The following GNB1L variants were observed in gnomAD, a reference collection of about 807,000 sequenced individuals.
GNB1L encodes the protein guanine nucleotide-binding protein subunit beta-like protein 1.
A neutral mutation model predicts 29.1 loss-of-function variants in GNB1L; 20 were observed. The observed-to-expected ratio is 0.69, with a 90% CI of 0.48 to 1.00. The LOEUF is 1.00. Ranked by LOEUF, GNB1L falls within the 50% of genes least tolerant of loss-of-function variation. The pLI, the probability that GNB1L is intolerant of heterozygous loss-of-function variation, is 0.00. For missense variants in GNB1L, 421 were observed against 464.9 expected (o/e 0.91, Z 0.87); for synonymous variants, 193 against 206.5 (o/e 0.93, Z 0.56).
chr22:19,813,000 A>G (rs2145876157), intron 4 of GNB1L, among the ~76,000 whole-genome samples: 1 of 152,358 alleles, frequency 6.6e-6, no homozygotes, highest in Middle Eastern at 3.4e-3. Flanking sequence ...CACCTGGTAG[A>G]ACAGATGAGG....
chr22:19,842,008 G>A (rs1222791175), intron 2 of GNB1L, among the ~76,000 whole-genome samples: 1 of 152,222 alleles, frequency 6.6e-6, no homozygotes, highest in East Asian at 1.9e-4. Flanking sequence ...CACACAGGTG[G>A]CTGGTGAATG....
intron 2 of GNB1L, among the ~76,000 whole-genome samples, chr22:19,835,676 TA>T (rs879909076): frequency 4.2e-4 from 60 of 143,316 alleles, no homozygotes; most frequent in African/African-American, 6.4e-4. Flanking sequence ...TCTGTCTCGA[TA>T]AAAAAAAAAA....
At position 19,788,927 on chromosome 22, in the gene GNB1L, T is replaced by A. The variant is rs140704978; in HGVS notation, c.766A>T (p.Ile256Phe). 6.2e-7 allele frequency: 1 copy of A among 1,610,862 alleles called. No homozygotes were observed. The highest frequency in any genetic ancestry group is 1.3e-5 in the African/African-American group (1 of 75,008). ...TCTGGCCGGATCGTGACCTCGGCGA[T>A]CCCGGGATTGGTGAGTTCATGAGTC... ...RGTHELTNPG[I>F]AEVTIRPDRK... The change falls in exon 8 of 8, where the codon ATC becomes TTC. Residue 256 changes from isoleucine to phenylalanine, a missense_variant. Physicochemically the swap from Ile to Phe is conservative, Grantham distance 21. Coordinates refer to ENST00000329517, the MANE Select transcript of GNB1L (RefSeq NM_053004.3).
At chr22:19,850,188 G>T (rs1938061131) in intron 2 of GNB1L, 3 of 985,584 alleles carry the variant, frequency 3.0e-6, no homozygotes, top group Admixed American at 6.1e-5. Flanking sequence ...GCTCCTGACA[G>T]AATGGGAAAC....
intron 2 of GNB1L, chr22:19,847,209 C>G: frequency 1.0e-6 from 1 of 985,488 alleles, no homozygotes; most frequent in Non-Finnish European, 1.2e-6. Flanking sequence ...ACAGGTCTGA[C>G]AGGCCCCAGC....
chr22:19,846,750 G>T, intron 2 of GNB1L: 1 of 360,928 alleles, frequency 2.8e-6, no homozygotes, highest in Non-Finnish European at 3.9e-6. Flanking sequence ...CACAGACAGG[G>T]ACACGGCAAG....
chr22:19,802,144 C>T lies in GNB1L; in HGVS notation c.589G>A (p.Glu197Lys). The T allele has an allele frequency of 3.1e-6, 5 of 1,613,292 alleles. No individual in the cohort carries two copies. The highest frequency in any genetic ancestry group is 4.2e-6 in the Non-Finnish European group (5 of 1,180,034). ...DGSVVLWDVS[E>K]QKVCSRIACH... is the part of the protein sequence containing the mutation. ...GCGATGCGGCTGCACACCTTCTGCT[C>T]AGAGACGTCCCACAGGACCACCGAT... is the stretch of plus-strand genomic sequence containing the variant. Residue 197 changes from glutamate (E) to lysine (K), a missense_variant, in exon 7 of 8, where the codon GAG (glutamate) becomes AAG (lysine). By Grantham distance (56) the Glu-to-Lys change is moderately conservative. Transcript: ENST00000329517.
rs532014981 is a variant in GNB1L, at chr22:19,820,912, C to A, written c.129-189G>T. On this transcript the variant is annotated intron_variant, in intron 3 of 7. Transcript: ENST00000329517. ...CTTGCTCCTCTTCCAGAGAGGGGAC[C>A]GGGGGACCCTCAGGAGCCTCTAGGG... is the stretch of plus-strand genomic sequence containing the variant. 2.6e-5 allele frequency among the ~76,000 whole-genome samples: 4 copies of A among 152,288 alleles called. No individual in the cohort carries two copies. The East Asian group carries it at 5.8e-4, about 22-fold the overall frequency.
intron 5 of GNB1L, among the ~76,000 whole-genome samples, chr22:19,810,706 G>A (rs1025517703): frequency 2.6e-5 from 4 of 152,212 alleles, no homozygotes; most frequent in African/African-American, 9.6e-5. Context: ...CGGCCGAGTG[G>A]GGTGGGAGTG....
chr22:19,828,575 GT>G (rs1430363248), intron 2 of GNB1L, among the ~76,000 whole-genome samples: 1 of 151,976 alleles, frequency 6.6e-6, no homozygotes, highest in East Asian at 1.9e-4. Flanking sequence ...GAGCCCAGGA[GT>G]TTGAGGCTGC....
chr22:19,808,914 C>CCACAGGAAGG (rs1937466639), intron 5 of GNB1L, among the ~76,000 whole-genome samples: 1 of 152,074 alleles, frequency 6.6e-6, no homozygotes, highest in Non-Finnish European at 1.5e-5. Flanking sequence ...TGAGAGCCAC[C>CCACAGGAAGG]GTCAGGGCTG....
At chr22:19,795,534 T>A (rs977061079) in intron 7 of GNB1L, among the ~76,000 whole-genome samples, 8 of 152,154 alleles carry the variant, frequency 5.3e-5, no homozygotes, top group African/African-American at 1.7e-4. Context: ...CATAAATTTC[T>A]AAACACTGCA....
chr22:19,803,080 G>A (rs756280396), intron 6 of GNB1L, among the ~76,000 whole-genome samples: 78 of 152,198 alleles, frequency 5.1e-4, no homozygotes, highest in Non-Finnish European at 9.8e-4. Flanking sequence ...CAAGGACCAG[G>A]GCTCGCTGCA....
intron 7 of GNB1L, among the ~76,000 whole-genome samples, chr22:19,791,485 G>A (rs761017300): frequency 2.6e-5 from 4 of 152,244 alleles, no homozygotes; most frequent in Non-Finnish European, 5.9e-5. Context: ...TGGAGACAAT[G>A]CCATGAGCAT....
At chr22:19,790,414 C>T (rs538197714) in intron 7 of GNB1L, among the ~76,000 whole-genome samples, 2 of 152,244 alleles carry the variant, frequency 1.3e-5, no homozygotes, top group Admixed American at 1.3e-4. Context: ...GAACCCCCCA[C>T]CATAAGTAAT....
chr22:19,843,896 G>A (rs993792041), intron 2 of GNB1L, among the ~76,000 whole-genome samples: 5 of 152,150 alleles, frequency 3.3e-5, no homozygotes, highest in Non-Finnish European at 7.4e-5. Context: ...TGCCACAGGG[G>A]CCTTCTGCTC....
At chr22:19,843,699 C>T (rs983893624) in intron 2 of GNB1L, among the ~76,000 whole-genome samples, 2 of 152,354 alleles carry the variant, frequency 1.3e-5, no homozygotes, top group African/African-American at 4.8e-5. Flanking sequence ...GGAACCCGAG[C>T]CCCGGCTGCC....
In GNB1L at chr22:19,785,109, G is replaced by A. The variant is rs538781812; in HGVS notation, c.*3600C>T. 1.3e-5 allele frequency: 2 copies of A among 152,272 alleles called. No homozygotes were observed. The highest frequency in any genetic ancestry group is 2.4e-5 in the African/African-American group (1 of 41,448). The allele number at this position is 152,272 out of a possible 1,614,324, so 9.4% of individuals were successfully genotyped here. A position where few individuals can be genotyped will look rare whatever the true frequency, so the allele number is the denominator to read the frequency against. ...GAAATTCTTCCAATAAGAACAGGAT[G>A]GTGGGCCGGGCGCAGTGGCTCAGGC... is the stretch of plus-strand genomic sequence containing the variant. On this transcript the variant is annotated 3_prime_UTR_variant, in exon 8 of 8. Coordinates refer to ENST00000329517, the MANE Select transcript of GNB1L (RefSeq NM_053004.3). This position sits in a 1 kb window ranked among gnomAD's most constrained non-coding sequence, Gnocchi z 4.1.
chr22:19,828,105 G>A (rs181400593), intron 2 of GNB1L, among the ~76,000 whole-genome samples: 2 of 152,144 alleles, frequency 1.3e-5, no homozygotes, highest in Non-Finnish European at 2.9e-5. Context: ...TTCACAACAC[G>A]TATCTGTTCA....
Sources: allele counts gnomAD v4.1 joint callset (sites outside exome capture counted in the v4.1 genomes callset), GRCh38; gene constraint gnomAD v4.1.1; non-coding constraint Gnocchi (gnomAD v3.1); transcripts MANE v1.5; gene names NCBI Gene and HGNC (gene_info 2026-07-23, HGNC 2026-07-21).